Variants in FAM227A observed in about 807,000 individuals in gnomAD.
FAM227A encodes the protein protein FAM227A.
FAM227A carries 80 observed loss-of-function variants against 74.7 expected under a neutral mutation model. That is an observed-to-expected ratio of 1.07 (90% CI 0.89 to 1.29). FAM227A has a LOEUF of 1.29. Among genes scored for constraint, FAM227A ranks in the 50% most tolerant of loss-of-function variants. FAM227A has a pLI of 0.00. For missense variants in FAM227A, 654 were observed against 683.4 expected, an observed-to-expected ratio of 0.96 and a Z score of 0.48; for synonymous variants, 237 against 241.8, an observed-to-expected ratio of 0.98 and a Z score of 0.19.
chr22:38,621,667 G>A (rs1457056901), intron 10 of FAM227A, among the ~76,000 whole-genome samples: 4 of 152,100 alleles, frequency 2.6e-5, no homozygotes, highest in African/African-American at 4.8e-5. Context: ...AACCACCACC[G>A]TGCTCTGCTC....
chr22:38,600,028 C>T (rs2091138404), intron 13 of FAM227A, 107 bp from the exon 14 acceptor site: 1 of 1,069,052 alleles, frequency 9.4e-7, no homozygotes, highest in East Asian at 2.8e-5. Context: ...CCAGTAATTC[C>T]AGTTTTAGGA....
intron 13 of FAM227A, 33 bp from the exon 14 acceptor site, chr22:38,599,954 T>C (rs2091136599): frequency 6.6e-7 from 1 of 1,513,802 alleles, no homozygotes; most frequent in Non-Finnish European, 8.9e-7. Flanking sequence ...AAATAAAGGA[T>C]ATTGTCATTT....
Position 38,620,284 on chromosome 22 carries a change from C to T in FAM227A, c.966G>A (p.Glu322=). The T allele has an allele frequency of 6.4e-7, 1 of 1,550,886 alleles. No individual in the cohort carries two copies. The highest frequency in any genetic ancestry group is 2.4e-5 in the East Asian group (1 of 40,926). Reference sequence around the variant, plus strand: ...CTCTCTTACCAGCAAACAAAGAAAACTCTCTCCCTATAGAAGGGGAAAAGC... The same window carrying T: ...CTCTCTTACCAGCAAACAAAGAAAATTCTCTCCCTATAGAAGGGGAAAAGC... ...LYRRRLTKGR[E]FSLFAGKRAF... The change falls in exon 11 of 17, where the codon GAG becomes GAA. Residue 322 remains glutamate, a synonymous_variant. Coordinates refer to ENST00000535113, the MANE Select transcript of FAM227A (RefSeq NM_001013647.2).
At chr22:38,595,614 A>G (rs2091026665) in intron 15 of FAM227A, among the ~76,000 whole-genome samples, 1 of 152,230 alleles carries the variant, frequency 6.6e-6, no homozygotes, top group African/African-American at 2.4e-5. Context: ...GGAGAATCAC[A>G]TCATTTATTC....
chr22:38,597,126 C>A (rs2091063063), intron 15 of FAM227A, 78 bp downstream of exon 15: 1 of 1,405,228 alleles, frequency 7.1e-7, no homozygotes. Context: ...CCCCACCAAC[C>A]CATTTAAAAA....
intron 1 of FAM227A, among the ~76,000 whole-genome samples, chr22:38,655,327 C>T (rs1295686272): frequency 1.3e-5 from 2 of 151,376 alleles, no homozygotes; most frequent in Non-Finnish European, 2.9e-5. Flanking sequence ...GTCAGGAGTT[C>T]GAGACCAGCC....
At chr22:38,588,614 C>CAAAAA (rs1569184519) in intron 16 of FAM227A, among the ~76,000 whole-genome samples, 1 of 75,080 alleles carries the variant, frequency 1.3e-5, no homozygotes, top group African/African-American at 5.5e-5. Flanking sequence ...GTGACTCTGT[C>CAAAAA]TAAAAAAAAA....
intron 2 of FAM227A, among the ~76,000 whole-genome samples, chr22:38,647,792 A>G (rs2092264863): frequency 1.3e-5 from 2 of 152,212 alleles, no homozygotes; most frequent in Non-Finnish European, 2.9e-5. Flanking sequence ...AAGTGTTCTT[A>G]CAAATTGGAG....
intron 16 of FAM227A, among the ~76,000 whole-genome samples, chr22:38,587,387 A>G (rs1036692542): frequency 1.3e-5 from 2 of 152,180 alleles, no homozygotes; most frequent in Non-Finnish European, 2.9e-5. Context: ...CAAGAAAAGG[A>G]CACACATAGA....
At position 38,623,219 on chromosome 22, in the gene FAM227A, C is replaced by T. The variant is rs145035180; in HGVS notation, c.911G>A (p.Arg304Gln). The change falls in exon 10 of 17, where the codon CGA (arginine) becomes CAA (glutamine). Residue 304 changes from arginine (R) to glutamine (Q), a missense_variant. By Grantham distance (43) the Arg-to-Gln change is conservative. Transcript: ENST00000535113. ...SWDYSELDPE[R>Q]FRREELMLYR... Reference sequence around the variant, plus strand: ...CAACATTAATTCTTCTCTGCGGAATCGCTCTGGGTCTAGTTCCGAGTAGTC... The same window carrying T: ...CAACATTAATTCTTCTCTGCGGAATTGCTCTGGGTCTAGTTCCGAGTAGTC... 2.1e-5 allele frequency: 32 copies of T among 1,551,646 alleles called. No homozygotes were observed. Among genetic ancestry groups the T allele is most frequent in the Middle Eastern group, 1.7e-4 (1 of 5,988 alleles).
rs1165992484 is a variant in FAM227A, at chr22:38,579,674, CTT to C, written c.*6449_*6450del. 6.6e-6 allele frequency: 1 copy of C among 152,184 alleles called. No individual in the cohort carries two copies. The highest frequency in any genetic ancestry group is 6.5e-5 in the Admixed American group (1 of 15,278). 9.4% of individuals were successfully genotyped at this position (152,184 alleles called of 1,614,324 possible). On this transcript the variant is annotated 3_prime_UTR_variant, in exon 17 of 17. Coordinates refer to ENST00000535113, the MANE Select transcript of FAM227A (RefSeq NM_001013647.2). ...CTTGTTTCACCTATACCTCCATCCACTTTCTCTCTCCCATATTATTTGAGTAC... is the reference window on the plus strand; with the variant it reads ...CTTGTTTCACCTATACCTCCATCCACTCTCTCTCCCATATTATTTGAGTAC...
intron 1 of FAM227A, among the ~76,000 whole-genome samples, chr22:38,654,106 T>TA (rs1284641675): frequency 1.3e-5 from 2 of 151,998 alleles, no homozygotes; most frequent in Non-Finnish European, 1.5e-5. Flanking sequence ...CCCACCACTT[T>TA]AGGAGGCCGA....
intron 11 of FAM227A, among the ~76,000 whole-genome samples, chr22:38,615,132 T>A (rs1049403070): frequency 2.0e-5 from 3 of 152,190 alleles, no homozygotes; most frequent in African/African-American, 7.2e-5. Context: ...CAAGCAATTA[T>A]CCTGCCTCAG....
chr22:38,644,946 G>C (rs575251680), intron 3 of FAM227A, among the ~76,000 whole-genome samples: 1 of 151,994 alleles, frequency 6.6e-6, no homozygotes, highest in South Asian at 2.1e-4. Context: ...AAAATTAGCC[G>C]GGTATGGTGG....
chr22:38,603,903 TG>T (rs796800232), intron 13 of FAM227A, among the ~76,000 whole-genome samples: 107 of 152,226 alleles, frequency 7.0e-4, no homozygotes, highest in African/African-American at 2.5e-3. Flanking sequence ...GGGAAAAAAT[TG>T]GGGAAGATGT....
In FAM227A at chr22:38,620,283, ACT is replaced by A. The variant is rs2091660557; in HGVS notation, c.965_966del (p.Glu322ValfsTer7). On this transcript the variant is annotated frameshift_variant, in exon 11 of 17. Coordinates refer to ENST00000535113, the MANE Select transcript of FAM227A (RefSeq NM_001013647.2). LOFTEE classifies it high-confidence loss of function. ...GCTCTCTTACCAGCAAACAAAGAAAACTCTCTCCCTATAGAAGGGGAAAAGCT... is the reference window on the plus strand; with the variant it reads ...GCTCTCTTACCAGCAAACAAAGAAAACTCTCCCTATAGAAGGGGAAAAGCT... ...LYRRRLTKGR[E>X]FSLFAGKRAF... 6.5e-7 allele frequency: 1 copy of A among 1,550,118 alleles called. No homozygotes were observed. Among genetic ancestry groups the A allele is most frequent in the African/African-American group, 1.4e-5 (1 of 72,768 alleles).
chr22:38,640,275 T>C (rs4821801), intron 3 of FAM227A, among the ~76,000 whole-genome samples: 53,437 of 151,956 alleles, frequency 0.35, 9,739 homozygotes, highest in East Asian at 0.47. Flanking sequence ...CCTCCTCATC[T>C]GCCCACCTCG....
intron 16 of FAM227A, among the ~76,000 whole-genome samples, chr22:38,588,871 T>A (rs983863679): frequency 2.1e-5 from 3 of 141,986 alleles, no homozygotes; most frequent in Non-Finnish European, 3.0e-5. Context: ...GAGGTTGCAG[T>A]GAGCCAAGAT....
chr22:38,615,964 A>G (rs2091566515), intron 11 of FAM227A, among the ~76,000 whole-genome samples: 1 of 152,052 alleles, frequency 6.6e-6, no homozygotes, highest in African/African-American at 2.4e-5. Flanking sequence ...TGGTGGATAG[A>G]CAAGTACGAG....
Sources: allele counts gnomAD v4.1 joint callset (sites outside exome capture counted in the v4.1 genomes callset), GRCh38; gene constraint gnomAD v4.1.1; transcripts MANE v1.5; gene names NCBI Gene and HGNC (gene_info 2026-07-23, HGNC 2026-07-21).